The following WDR35 variants were observed in gnomAD, a reference collection of about 807,000 sequenced individuals.
WDR35 encodes WD repeat domain 35, also known as WD repeat-containing protein 35.
Under a neutral mutation model 158.3 loss-of-function variants are expected in WDR35, and 118 were observed. That is an observed-to-expected ratio of 0.75 (90% CI 0.64 to 0.87). The LOEUF (loss-of-function observed/expected upper bound fraction) is 0.87. Ranked by LOEUF, WDR35 falls within the 40% of genes least tolerant of loss-of-function variation. The pLI is 0.00. For missense variants in WDR35, 1,263 were observed against 1,405.8 expected (o/e 0.90, Z 1.62); for synonymous variants, 448 against 476.1 (o/e 0.94, Z 0.77).
chr2:19,986,129 G>A (rs879752571), intron 2 of WDR35, among the ~76,000 whole-genome samples: 4 of 152,156 alleles, frequency 2.6e-5, no homozygotes, highest in African/African-American at 7.2e-5. Context: ...TGTTGTTAAC[G>A]GAGGAAAAGA....
chr2:19,982,765 T>G (rs573618688), intron 2 of WDR35, among the ~76,000 whole-genome samples: 2 of 152,218 alleles, frequency 1.3e-5, no homozygotes, highest in Non-Finnish European at 2.9e-5. Flanking sequence ...ATACATTACA[T>G]ATATTAATAA....
At chr2:19,943,101 AG>A (rs1199256656) in intron 16 of WDR35, among the ~76,000 whole-genome samples, 1 of 152,104 alleles carries the variant, frequency 6.6e-6, no homozygotes. Flanking sequence ...ACCTAATTTT[AG>A]CTAACTCTCA....
intron 25 of WDR35, among the ~76,000 whole-genome samples, chr2:19,920,106 A>G (rs1052816199): frequency 6.6e-6 from 1 of 152,228 alleles, no homozygotes; most frequent in Admixed American, 6.5e-5. Context: ...CCAACCAAAA[A>G]AAGTCCAGGA....
chr2:19,959,803 A>G (rs1243512271), intron 11 of WDR35, among the ~76,000 whole-genome samples: 1 of 152,072 alleles, frequency 6.6e-6, no homozygotes, highest in Non-Finnish European at 1.5e-5. Context: ...TGGGTTTTTA[A>G]TTTCTTAGAT....
intron 12 of WDR35, among the ~76,000 whole-genome samples, chr2:19,952,701 C>G (rs974641042): frequency 6.6e-6 from 1 of 152,002 alleles, no homozygotes; most frequent in Non-Finnish European, 1.5e-5. Context: ...ATTTGGTCTT[C>G]CAGCACCACT....
chr2:19,970,953 T>C (rs769949992), intron 8 of WDR35, among the ~76,000 whole-genome samples: 25 of 152,200 alleles, frequency 1.6e-4, no homozygotes, highest in Non-Finnish European at 3.2e-4. Flanking sequence ...ATATTCACAT[T>C]TCTTTCCCTT....
chr2:19,985,013 G>A (rs191357152), intron 2 of WDR35, among the ~76,000 whole-genome samples: 5 of 152,172 alleles, frequency 3.3e-5, no homozygotes, highest in Admixed American at 6.5e-5. Context: ...TGCATCCCTG[G>A]GTCTAGCTAA....
intron 20 of WDR35, 97 bp downstream of exon 20, chr2:19,936,122 A>C: frequency 6.4e-7 from 1 of 1,556,582 alleles, no homozygotes. Flanking sequence ...ATTCAAGAAA[A>C]TGATCTTCAT....
intron 10 of WDR35, among the ~76,000 whole-genome samples, chr2:19,964,860 T>C (rs1372335484): frequency 6.6e-6 from 1 of 152,150 alleles, no homozygotes; most frequent in Non-Finnish European, 1.5e-5. Context: ...TTCTATAGTA[T>C]CCTTTTCTTA....
chr2:19,940,207 A>C (rs1319907028), intron 17 of WDR35, among the ~76,000 whole-genome samples: 45 of 150,734 alleles, frequency 3.0e-4, no homozygotes, highest in Admixed American at 1.8e-3. Context: ...AAAAAAAAAA[A>C]ACACAAAAAA....
chr2:19,955,042 TC>T (rs1671379621), intron 11 of WDR35, among the ~76,000 whole-genome samples: 1 of 152,062 alleles, frequency 6.6e-6, no homozygotes, highest in Non-Finnish European at 1.5e-5. Context: ...AACCTCTGCC[TC>T]CCGGGTTCAA....
intron 2 of WDR35, among the ~76,000 whole-genome samples, chr2:19,982,925 CATTT>C (rs1672432681): frequency 6.6e-6 from 1 of 152,154 alleles, no homozygotes; most frequent in Admixed American, 6.5e-5. Context: ...TATATTCACT[CATTT>C]ATTCATTCAT....
chr2:19,916,523 G>C (rs6717139), intron 25 of WDR35, among the ~76,000 whole-genome samples: 30,684 of 152,176 alleles, frequency 0.2, 3,380 homozygotes, highest in East Asian at 0.4. Flanking sequence ...AGCAGTTTGA[G>C]CTAACCTGGG....
At chr2:19,984,002 CATATATATATAT>C (rs753374553) in intron 2 of WDR35, among the ~76,000 whole-genome samples, 24 of 89,946 alleles carry the variant, frequency 2.7e-4, no homozygotes, top group African/African-American at 1.0e-3. Flanking sequence ...CATTCTAATG[CATATATATATAT>C]ATATATATAT....
intron 12 of WDR35, chr2:19,951,995 T>G (rs1671251472): frequency 6.5e-6 from 1 of 154,742 alleles, no homozygotes; most frequent in Admixed American, 6.4e-5. Context: ...CCACTGTCTC[T>G]CTAGTACCTG....
At chr2:19,936,487 C>T (rs945531942) in intron 19 of WDR35, 122 bp from the exon 20 acceptor site, 4 of 1,437,648 alleles carry the variant, frequency 2.8e-6, no homozygotes, top group African/African-American at 2.8e-5. Flanking sequence ...TGTGACTCTC[C>T]AAACACTTTA....
chr2:19,951,113 G>C (rs965644425), intron 13 of WDR35, among the ~76,000 whole-genome samples: 5 of 152,178 alleles, frequency 3.3e-5, no homozygotes, highest in African/African-American at 1.2e-4. Flanking sequence ...CTGATAGACA[G>C]ATAAAGAGAT....
chr2:19,965,125 G>C (rs1224775760), intron 10 of WDR35, among the ~76,000 whole-genome samples: 1 of 152,094 alleles, frequency 6.6e-6, no homozygotes, highest in African/African-American at 2.4e-5. Context: ...GTTTCACCAT[G>C]TTAGCCAGGC....
chr2:19,975,418 G>T, intron 6 of WDR35, 112 bp downstream of exon 6: 1 of 1,208,830 alleles, frequency 8.3e-7, no homozygotes, highest in South Asian at 1.9e-5. Context: ...CTGAATTGAA[G>T]ACTTTAATTA....
Sources: gnomAD v4.1 joint callset for allele counts (sites outside exome capture counted in the v4.1 genomes callset) on GRCh38, gnomAD v4.1.1 for gene constraint, MANE v1.5 for transcripts, NCBI Gene and HGNC (gene_info 2026-07-23, HGNC 2026-07-21) for gene names.